Variants in MTMR2 observed in about 807,000 individuals in gnomAD.
MTMR2 encodes the protein phosphatidylinositol-3,5-bisphosphate 3-phosphatase MTMR2.
Under a neutral mutation model 86.9 loss-of-function variants are expected in MTMR2, and 55 were observed. The ratio of observed to expected loss-of-function variants is 0.63; its 90% CI spans 0.51 to 0.79. MTMR2 has a LOEUF of 0.79. Ranked by LOEUF, MTMR2 falls within the 30% of genes least tolerant of loss-of-function variation. The pLI is 0.00. For missense variants in MTMR2, 659 were observed against 772.3 expected (o/e 0.85, Z 1.74); for synonymous variants, 241 against 266.8 (o/e 0.90, Z 0.94).
chr11:95,861,276 C>T (rs1443726202), intron 5 of MTMR2, among the ~76,000 whole-genome samples: 8 of 151,248 alleles, frequency 5.3e-5, no homozygotes, highest in Non-Finnish European at 1.2e-4. Flanking sequence ...CCTTATGTTG[C>T]TAATTTGTAA....
At chr11:95,902,795 A>G (rs1450565621) in intron 1 of MTMR2, among the ~76,000 whole-genome samples, 2 of 152,148 alleles carry the variant, frequency 1.3e-5, no homozygotes, top group Non-Finnish European at 2.9e-5. Context: ...CTCTCCCACC[A>G]CTAGGCCTGA....
intron 1 of MTMR2, among the ~76,000 whole-genome samples, chr11:95,900,580 A>C (rs755644014): frequency 1.3e-5 from 2 of 152,092 alleles, no homozygotes; most frequent in Non-Finnish European, 2.9e-5. Context: ...TTCCTTCAAT[A>C]AACTTACCTA....
chr11:95,894,858 TTC>T (rs1201225468), intron 1 of MTMR2, among the ~76,000 whole-genome samples: 1 of 152,122 alleles, frequency 6.6e-6, no homozygotes, highest in Admixed American at 6.6e-5. Flanking sequence ...ATAATAACTT[TTC>T]TCTGAGAAAA....
chr11:95,873,735 G>A (rs1360765185), intron 2 of MTMR2, among the ~76,000 whole-genome samples: 2 of 151,778 alleles, frequency 1.3e-5, no homozygotes, highest in African/African-American at 4.8e-5. Flanking sequence ...GGCATTTAGT[G>A]CTATAAATTT....
At chr11:95,897,657 T>C (rs1431631908) in intron 1 of MTMR2, among the ~76,000 whole-genome samples, 2 of 152,160 alleles carry the variant, frequency 1.3e-5, no homozygotes, top group Non-Finnish European at 2.9e-5. Context: ...TATCAGAAAC[T>C]ACACCTATTT....
intron 5 of MTMR2, 80 bp from the exon 6 acceptor site, chr11:95,858,712 T>G: frequency 1.1e-6 from 1 of 941,136 alleles, no homozygotes; most frequent in Non-Finnish European, 1.7e-6. Context: ...GGAACTATCT[T>G]GTAAAATGTT....
chr11:95,851,697 G>A (rs1864029014), intron 7 of MTMR2, among the ~76,000 whole-genome samples: 1 of 152,218 alleles, frequency 6.6e-6, no homozygotes, highest in Non-Finnish European at 1.5e-5. Context: ...AATATCAGAA[G>A]TCAGGCACCA....
chr11:95,902,103 G>A lies in MTMR2; in HGVS notation c.81-13842C>T, dbSNP rs553060549. Among the ~76,000 whole-genome samples, 11 of 152,244 alleles carry A rather than the reference G, an allele frequency of 7.2e-5. No individual in the cohort carries two copies. In the East Asian group the frequency reaches 1.3e-3, roughly 19 times the overall value. On this transcript the variant is annotated intron_variant, in intron 1 of 14. Transcript: ENST00000346299. ...ACTCCTCATCCACAAAGACTGCTTC[G>A]TTTTCTTTTACCCTACTACTTAGTA...
chr11:95,840,924 C>T (rs1393145482), intron 12 of MTMR2, among the ~76,000 whole-genome samples: 1 of 152,124 alleles, frequency 6.6e-6, no homozygotes, highest in Non-Finnish European at 1.5e-5. Context: ...CAATGAGCTG[C>T]ATTCAACAGG....
intron 1 of MTMR2, 105 bp downstream of exon 1, chr11:95,923,770 G>A (rs1464838064): frequency 2.0e-6 from 3 of 1,499,170 alleles, no homozygotes; most frequent in African/African-American, 1.4e-5. Flanking sequence ...TTCCGGCGTA[G>A]CCTTCAGAAA....
At chr11:95,923,443 C>A (rs7110771) in intron 1 of MTMR2, among the ~76,000 whole-genome samples, 4,056 of 151,754 alleles carry the variant, frequency 0.027, 61 homozygotes, top group South Asian at 0.063. Flanking sequence ...TGGGCAAGAA[C>A]CCAAAAACCA....
chr11:95,905,331 GCACACA>G (rs10552965), intron 1 of MTMR2, among the ~76,000 whole-genome samples: 9,805 of 147,966 alleles, frequency 0.066, 447 homozygotes, highest in Middle Eastern at 0.11. Flanking sequence ...ACGCACCTGC[GCACACA>G]CACACACACA....
intron 2 of MTMR2, among the ~76,000 whole-genome samples, chr11:95,870,371 T>C (rs527931671): frequency 1.3e-5 from 2 of 151,812 alleles, no homozygotes; most frequent in African/African-American, 4.8e-5. Flanking sequence ...CTGCAGGCCT[T>C]TGATAGGGGC....
intron 9 of MTMR2, 112 bp from the exon 10 acceptor site, chr11:95,848,011 A>G (rs1863868141): frequency 5.7e-6 from 6 of 1,051,252 alleles, no homozygotes; most frequent in Non-Finnish European, 7.2e-6. Flanking sequence ...AGACAAGGAA[A>G]ACTCCACAGG....
chr11:95,834,158 T>C lies in MTMR2; in HGVS notation c.*1132A>G, dbSNP rs557622454. 5 of 152,688 alleles carry C rather than the reference T, an allele frequency of 3.3e-5. No homozygotes were observed. The South Asian group carries it at 1.0e-3, about 32-fold the overall frequency. 9.5% of individuals were successfully genotyped at this position (152,688 alleles called of 1,614,324 possible). ...GGGACAAGAAGCTCCTTTGTTACAG[T>C]ACATTACATATGGCTCTTATGTAGA... On this transcript the variant is annotated 3_prime_UTR_variant, in exon 15 of 15. Transcript: ENST00000346299.
At chr11:95,899,413 A>T (rs975033735) in intron 1 of MTMR2, among the ~76,000 whole-genome samples, 5 of 152,130 alleles carry the variant, frequency 3.3e-5, no homozygotes, top group African/African-American at 1.2e-4. Flanking sequence ...GGTGGTAGCA[A>T]GGCCAAAGGA....
intron 1 of MTMR2, among the ~76,000 whole-genome samples, chr11:95,906,242 C>G (rs1368180195): frequency 1.3e-5 from 2 of 152,016 alleles, no homozygotes; most frequent in African/African-American, 4.8e-5. Context: ...AACAAACAAA[C>G]AAAACAGACT....
rs2135394715 is a variant in MTMR2, at chr11:95,834,176, T to C, written c.*1114A>G. ...GTTACAGTACATTACATATGGCTCT[T>C]ATGTAGAATAAAATAGACATCAGAG... On this transcript the variant is annotated 3_prime_UTR_variant, in exon 15 of 15. Transcript: ENST00000346299. 6.5e-6 allele frequency: 1 copy of C among 152,674 alleles called. No individual in the cohort carries two copies. Among genetic ancestry groups the C allele is most frequent in the Middle Eastern group, 3.4e-3 (1 of 294 alleles). The allele number at this position is 152,674 out of a possible 1,614,324, so 9.5% of individuals were successfully genotyped here.
intron 6 of MTMR2, 126 bp from the exon 7 acceptor site, chr11:95,857,761 C>A (rs1215920842): frequency 1.5e-6 from 1 of 670,712 alleles, no homozygotes; most frequent in Non-Finnish European, 2.7e-6. Flanking sequence ...TATTAGCATC[C>A]TTTTTTGTAT....
Sources: gnomAD v4.1 joint callset for allele counts (sites outside exome capture counted in the v4.1 genomes callset) on GRCh38, gnomAD v4.1.1 for gene constraint, MANE v1.5 for transcripts, NCBI Gene and HGNC (gene_info 2026-07-23, HGNC 2026-07-21) for gene names.